The following PLIN3 variants were observed in gnomAD, a reference collection of about 807,000 sequenced individuals.
The protein encoded by PLIN3 is perilipin 3, also known as perilipin-3.
Under a neutral mutation model 35.9 loss-of-function variants are expected in PLIN3, and 30 were observed. The ratio of observed to expected loss-of-function variants is 0.84; its 90% CI spans 0.62 to 1.13. The LOEUF (loss-of-function observed/expected upper bound fraction) is 1.13, where lower values mean the gene tolerates loss of function less well. PLIN3 is among the 50% of genes most tolerant of loss of function. The probability of loss-of-function intolerance (pLI) is 0.00; values close to 1 mark genes in which losing one functional copy is unlikely to be tolerated. For synonymous variants in PLIN3, 261 were observed against 262.5 expected, an observed-to-expected ratio of 0.99 and a Z score of 0.06; for missense variants, 603 against 596.9, an observed-to-expected ratio of 1.01 and a Z score of -0.11.
intron 4 of PLIN3, among the ~76,000 whole-genome samples, chr19:4,854,455 G>A (rs1040503554): frequency 6.6e-6 from 1 of 151,758 alleles, no homozygotes; most frequent in African/African-American, 2.4e-5. Flanking sequence ...CCAGGCTGGA[G>A]TGCAGTGGCA....
At chr19:4,845,091 G>A (rs1251611283) in intron 6 of PLIN3, among the ~76,000 whole-genome samples, 2 of 152,138 alleles carry the variant, frequency 1.3e-5, no homozygotes, top group African/African-American at 4.8e-5. Context: ...GGCTGGCTTT[G>A]GCCAATGGGA....
intron 1 of PLIN3, among the ~76,000 whole-genome samples, chr19:4,866,289 A>G (rs1371690813): frequency 1.3e-5 from 2 of 152,110 alleles, no homozygotes; most frequent in Admixed American, 1.3e-4. Context: ...AAGTGCTGGG[A>G]TTATAGGCGT....
chr19:4,861,516 AC>A (rs956643858), intron 1 of PLIN3, 105 bp from the exon 2 acceptor site: 55 of 734,864 alleles, frequency 7.5e-5, no homozygotes, highest in African/African-American at 6.9e-4. Context: ...CCTGCCCATG[AC>A]TTACAGCTGT....
intron 4 of PLIN3, among the ~76,000 whole-genome samples, chr19:4,856,997 G>C (rs1336930805): frequency 6.6e-6 from 1 of 152,048 alleles, no homozygotes. Flanking sequence ...GAGCCACCAC[G>C]CCTGGTCTGT....
At chr19:4,844,825 A>G in intron 6 of PLIN3, 32 bp from the exon 7 acceptor site, 1 of 1,568,018 alleles carries the variant, frequency 6.4e-7, no homozygotes, top group African/African-American at 1.4e-5. Flanking sequence ...TGAGGGAAGG[A>G]GGCTCCCCTG....
chr19:4,860,253 C>T (rs2030629577), intron 2 of PLIN3, among the ~76,000 whole-genome samples: 1 of 152,122 alleles, frequency 6.6e-6, no homozygotes, highest in African/African-American at 2.4e-5. Context: ...GTTGCCCGGG[C>T]TGGAGTGCAC....
intron 1 of PLIN3, among the ~76,000 whole-genome samples, chr19:4,863,819 C>T: frequency 7.0e-6 from 1 of 142,352 alleles, no homozygotes; most frequent in Non-Finnish European, 1.6e-5. Flanking sequence ...CAGAGCGAGA[C>T]TCCATCTCAA....
intron 7 of PLIN3, 125 bp downstream of exon 7, chr19:4,844,543 A>T: frequency 9.7e-7 from 1 of 1,032,920 alleles, no homozygotes; most frequent in Non-Finnish European, 1.3e-6. Flanking sequence ...AGGTGTCATT[A>T]GCTTCCAAAA....
chr19:4,847,823 G>T lies in PLIN3; in HGVS notation c.702C>A (p.Ser234Arg). The T allele has an allele frequency of 1.2e-6, 2 of 1,613,910 alleles. No individual in the cohort carries two copies. The highest frequency in any genetic ancestry group is 2.2e-5 in the South Asian group (2 of 91,072). ...ACAGGGAGCCCAGACGTACGAAGTA[G>T]CTCTGTTCCTGCCGCTGCTGCTGCA... Reference protein sequence around the residue: ...ASVQQQRQEQSYFVRLGSLSE... With the variant: ...ASVQQQRQEQRYFVRLGSLSE... The change falls in exon 6 of 8, where the codon AGC becomes AGA. Residue 234 changes from serine (S) to arginine (R), a missense_variant. By Grantham distance (110) the Ser-to-Arg change is moderately radical. Transcript: ENST00000221957.
At chr19:4,844,302 A>G (rs1427384555) in intron 7 of PLIN3, among the ~76,000 whole-genome samples, 1 of 152,094 alleles carries the variant, frequency 6.6e-6, no homozygotes, top group Non-Finnish European at 1.5e-5. Flanking sequence ...TGTCTCTACT[A>G]AAAATACAAA....
intron 6 of PLIN3, 28 bp from the exon 7 acceptor site, chr19:4,844,821 AAGG>A (rs2030032769): frequency 6.4e-7 from 1 of 1,572,210 alleles, no homozygotes; most frequent in Non-Finnish European, 8.6e-7. Context: ...GAAGTGAGGG[AAGG>A]AGGCTCCCCT....
rs9973235 is a variant in PLIN3 at position 4,847,701 on chromosome 19, A to T, written c.824T>A (p.Val275Asp). The change falls in exon 6 of 8, where the codon GTC becomes GAC. Residue 275 changes from valine to aspartate, a missense_variant. By Grantham distance (152) the Val-to-Asp change is radical. Transcript: ENST00000221957. ...AQEALLQLSQ[V>D]LSLMETVKQG... ...CCCCTGGAACCTCACCAGGCTTAGG[A>T]CCTGCGACAGCTGCAGCAGAGCCTC... 6.3e-7 allele frequency: 1 copy of T among 1,599,830 alleles called. No homozygotes were observed. The highest frequency in any genetic ancestry group is 8.5e-7 in the Non-Finnish European group (1 of 1,173,740).
At chr19:4,842,385 C>G (rs562347220) in intron 7 of PLIN3, among the ~76,000 whole-genome samples, 1 of 151,706 alleles carries the variant, frequency 6.6e-6, no homozygotes, top group Non-Finnish European at 1.5e-5. Context: ...GTCAAGATCA[C>G]GCCACTGCAC....
At chr19:4,864,658 C>T (rs2030792120) in intron 1 of PLIN3, among the ~76,000 whole-genome samples, 1 of 152,024 alleles carries the variant, frequency 6.6e-6, no homozygotes, top group Non-Finnish European at 1.5e-5. Flanking sequence ...ACATGCCTGC[C>T]TGCACCGCAG....
At chr19:4,850,282 CT>C (rs879784918) in intron 5 of PLIN3, among the ~76,000 whole-genome samples, 161 of 140,290 alleles carry the variant, frequency 1.1e-3, no homozygotes, top group Non-Finnish European at 1.2e-3. Context: ...TGTACCCATG[CT>C]TTTTTTTTTT....
At chr19:4,856,655 G>T (rs1203721108) in intron 4 of PLIN3, among the ~76,000 whole-genome samples, 2 of 151,938 alleles carry the variant, frequency 1.3e-5, no homozygotes, top group African/African-American at 4.8e-5. Context: ...GGTCCCAGCT[G>T]GGGAGACAAA....
intron 2 of PLIN3, among the ~76,000 whole-genome samples, chr19:4,860,708 C>T (rs1039040004): frequency 2.0e-5 from 3 of 152,032 alleles, no homozygotes; most frequent in South Asian, 4.1e-4. Context: ...CAGTGGCTCA[C>T]GCCTGTAATC....
intron 6 of PLIN3, among the ~76,000 whole-genome samples, chr19:4,846,120 G>A (rs1200872976): frequency 6.6e-6 from 1 of 151,874 alleles, no homozygotes; most frequent in East Asian, 1.9e-4. Flanking sequence ...CCAGCTACCA[G>A]AAGGCTGAGG....
chr19:4,842,878 T>C (rs1437907898), intron 7 of PLIN3, among the ~76,000 whole-genome samples: 2 of 152,154 alleles, frequency 1.3e-5, no homozygotes, highest in Admixed American at 1.3e-4. Context: ...ATGTCACTTT[T>C]GTAGCCCTTA....
Sources: allele counts gnomAD v4.1 joint callset (sites outside exome capture counted in the v4.1 genomes callset), GRCh38; gene constraint gnomAD v4.1.1; transcripts MANE v1.5; gene names NCBI Gene and HGNC (gene_info 2026-07-23, HGNC 2026-07-21).